The following SLC38A9 variants were observed in gnomAD, a reference collection of about 807,000 sequenced individuals.
SLC38A9 encodes solute carrier family 38 member 9, also known as neutral amino acid transporter 9.
A neutral mutation model predicts 62.3 loss-of-function variants in SLC38A9; 48 were observed. The ratio of observed to expected loss-of-function variants is 0.77; its 90% CI spans 0.61 to 0.98. The LOEUF is 0.98. Ranked by LOEUF, SLC38A9 falls within the 50% of genes least tolerant of loss-of-function variation. SLC38A9 has a pLI of 0.00. For synonymous variants in SLC38A9, 204 were observed against 227.7 expected (o/e 0.90, Z 0.94); for missense variants, 541 against 679.8 (o/e 0.80, Z 2.27).
rs186922251 is a variant in SLC38A9 at position 55,682,337 on chromosome 5, A to G, written c.114-9642T>C. 1.6e-4 allele frequency among the ~76,000 whole-genome samples: 25 copies of G among 152,280 alleles called. No individual in the cohort carries two copies. In the East Asian group the frequency reaches 4.6e-3, roughly 28 times the overall value. ...CAGCACCTGCACAGAAACCTTCCCA[A>G]GGCACCTGGTCATCAATATTACATA... On this transcript the variant is annotated intron_variant, in intron 3 of 15. Coordinates refer to ENST00000396865, the MANE Select transcript of SLC38A9 (RefSeq NM_173514.4).
At chr5:55,659,922 T>C (rs1447674171) in intron 8 of SLC38A9, among the ~76,000 whole-genome samples, 1 of 151,120 alleles carries the variant, frequency 6.6e-6, no homozygotes, top group Non-Finnish European at 1.5e-5. Context: ...CCCGCCACCA[T>C]GCCCGGCTAA....
At chr5:55,652,100 T>C (rs1371854038) in intron 10 of SLC38A9, among the ~76,000 whole-genome samples, 1 of 150,870 alleles carries the variant, frequency 6.6e-6, no homozygotes, top group Non-Finnish European at 1.5e-5. Context: ...GGCTCACACC[T>C]GTAATCCCAG....
chr5:55,676,949 A>G (rs1370099550), intron 3 of SLC38A9, among the ~76,000 whole-genome samples: 1 of 152,222 alleles, frequency 6.6e-6, no homozygotes, highest in African/African-American at 2.4e-5. Context: ...TCTGTCACCA[A>G]TAAAAACTCC....
chr5:55,643,399 CTG>C (rs1250484493), intron 12 of SLC38A9, among the ~76,000 whole-genome samples: 2 of 152,150 alleles, frequency 1.3e-5, no homozygotes, highest in African/African-American at 4.8e-5. Flanking sequence ...AGAACATACT[CTG>C]TATGATTTAA....
At chr5:55,644,610 C>T (rs887678569) in intron 12 of SLC38A9, among the ~76,000 whole-genome samples, 4 of 151,918 alleles carry the variant, frequency 2.6e-5, no homozygotes, top group Non-Finnish European at 5.9e-5. Flanking sequence ...TTAGTAGAGA[C>T]GGCGTTTCAC....
At chr5:55,687,911 A>T (rs932580528) in intron 3 of SLC38A9, among the ~76,000 whole-genome samples, 1 of 152,046 alleles carries the variant, frequency 6.6e-6, no homozygotes, top group Admixed American at 6.6e-5. Context: ...GTTAGCCAGG[A>T]TGGTCTCAAT....
intron 15 of SLC38A9, 103 bp downstream of exon 15, chr5:55,627,788 A>G (rs994756182): frequency 8.6e-6 from 6 of 698,454 alleles, no homozygotes; most frequent in Non-Finnish European, 1.5e-5. Flanking sequence ...TTAAATACTC[A>G]TAGGAATTTC....
At chr5:55,627,197 T>G (rs1742593000) in intron 15 of SLC38A9, among the ~76,000 whole-genome samples, 1 of 152,188 alleles carries the variant, frequency 6.6e-6, no homozygotes, top group South Asian at 2.1e-4. Context: ...CAATAGGAAC[T>G]GGTAAGCCCT....
chr5:55,669,327 T>C lies in SLC38A9; in HGVS notation c.433-6A>G. The C allele has an allele frequency of 6.2e-7, 1 of 1,605,936 alleles. No homozygotes were observed. Among genetic ancestry groups the C allele is most frequent in the Non-Finnish European group, 8.5e-7 (1 of 1,175,698 alleles). On this transcript the variant is annotated splice_region_variant and splice_polypyrimidine_tract_variant and intron_variant, in intron 6 of 15. Transcript: ENST00000396865. ...ATTCCAGTAGTAAATCCAGCCTGTT[T>C]AAAAATAAAAGTATAAAACAGCATA...
intron 8 of SLC38A9, among the ~76,000 whole-genome samples, chr5:55,663,296 C>CAAAAAA (rs555065009): frequency 1.1e-5 from 1 of 93,120 alleles, no homozygotes; most frequent in East Asian, 3.6e-4. Context: ...TCTGTCTCTA[C>CAAAAAA]AAAAAAAAAA....
chr5:55,646,733 T>C (rs2150141043), intron 11 of SLC38A9, among the ~76,000 whole-genome samples: 1 of 152,274 alleles, frequency 6.6e-6, no homozygotes. Context: ...ATAGCATACA[T>C]ACTGTGATTT....
intron 3 of SLC38A9, chr5:55,675,145 T>C (rs1561390103): frequency 6.6e-6 from 1 of 152,246 alleles, no homozygotes; most frequent in Non-Finnish European, 1.5e-5. Flanking sequence ...TCAATATTAT[T>C]GGTTCCAACC....
rs1756153150 is a variant in SLC38A9 at position 55,698,012 on chromosome 5, A to G, written c.-34-20T>C. 1.2e-6 allele frequency: 1 copy of G among 815,086 alleles called. No homozygotes were observed. The highest frequency in any genetic ancestry group is 2.0e-6 in the Non-Finnish European group (1 of 508,232). The allele number at this position is 815,086 out of a possible 1,614,324, so 50.5% of individuals were successfully genotyped here. On this transcript the variant is annotated intron_variant, in intron 2 of 15. Coordinates refer to ENST00000396865, the MANE Select transcript of SLC38A9 (RefSeq NM_173514.4). Reference sequence around the variant, plus strand: ...TTAGTCCTACACAAAGAAGATAAATAATTTAGTTTAATTTTAAAATATTTT... The same window carrying G: ...TTAGTCCTACACAAAGAAGATAAATGATTTAGTTTAATTTTAAAATATTTT...
At chr5:55,640,560 A>T (rs1397523701) in intron 12 of SLC38A9, among the ~76,000 whole-genome samples, 1 of 152,162 alleles carries the variant, frequency 6.6e-6, no homozygotes, top group Middle Eastern at 3.2e-3. Context: ...AGCTTCTCAC[A>T]ATGGGGCGTA....
chr5:55,637,992 A>G (rs1744732380), intron 12 of SLC38A9, among the ~76,000 whole-genome samples: 1 of 151,182 alleles, frequency 6.6e-6, no homozygotes, highest in African/African-American at 2.4e-5. Context: ...ATAAAAAAAA[A>G]GAGAGGTAAC....
intron 3 of SLC38A9, chr5:55,693,999 A>C: frequency 6.5e-6 from 1 of 154,640 alleles, no homozygotes; most frequent in South Asian, 2.0e-4. Flanking sequence ...CCAGGAGTTC[A>C]AGACCAGCCC....
At chr5:55,677,926 T>TTGTG (rs10682261) in intron 3 of SLC38A9, among the ~76,000 whole-genome samples, 3,119 of 112,098 alleles carry the variant, frequency 0.028, 102 homozygotes, top group African/African-American at 0.079. Context: ...TTTTTCTTTA[T>TTGTG]TGTGTGTGTG....
intron 4 of SLC38A9, among the ~76,000 whole-genome samples, chr5:55,670,836 A>C (rs967137946): frequency 6.6e-6 from 1 of 152,194 alleles, no homozygotes; most frequent in South Asian, 2.1e-4. Flanking sequence ...TTATGGAACT[A>C]AGACTTCGCC....
At chr5:55,700,478 T>C (rs563513214) in intron 2 of SLC38A9, among the ~76,000 whole-genome samples, 1 of 152,262 alleles carries the variant, frequency 6.6e-6, no homozygotes, top group Non-Finnish European at 1.5e-5. Context: ...CACATTGATG[T>C]TGTTATTTTA....
Sources: gnomAD v4.1 joint callset for allele counts (sites outside exome capture counted in the v4.1 genomes callset) on GRCh38, gnomAD v4.1.1 for gene constraint, MANE v1.5 for transcripts, NCBI Gene and HGNC (gene_info 2026-07-23, HGNC 2026-07-21) for gene names.